The following GRIK4 variants were observed in gnomAD, a reference collection of about 807,000 sequenced individuals.
The protein encoded by GRIK4 is glutamate receptor ionotropic, kainate 4.
A neutral mutation model predicts 104.9 loss-of-function variants in GRIK4; 40 were observed. The observed-to-expected ratio is 0.38, with a 90% CI of 0.30 to 0.50. GRIK4 has a LOEUF of 0.50. Among genes scored for constraint, GRIK4 ranks in the 20% least tolerant of loss-of-function variants. The pLI is 0.93. For missense variants in GRIK4, 1,047 were observed against 1,308.1 expected (o/e 0.80, Z 3.08); for synonymous variants, 485 against 524.9 (o/e 0.92, Z 1.04).
Position 120,711,005 on chromosome 11 carries a change from G to GC in GRIK4, c.82+50605_82+50606insC, listed in dbSNP as rs1565308818. 1.3e-5 allele frequency among the ~76,000 whole-genome samples: 2 copies of GC among 150,026 alleles called. 1 individual carries two copies. Among genetic ancestry groups the GC allele is most frequent in the African/African-American group, 5.0e-5 (2 of 39,982 alleles). ...CGCTTGCCCCTGTGAGGTGGGGAGGGGGTGTGAGCAGCTGCAGGGCCCTGC... is the reference window on the plus strand; with the variant it reads ...CGCTTGCCCCTGTGAGGTGGGGAGGGCGGTGTGAGCAGCTGCAGGGCCCTGC... On this transcript the variant is annotated intron_variant, in intron 3 of 20. Transcript: ENST00000527524.
intron 3 of GRIK4, among the ~76,000 whole-genome samples, chr11:120,789,424 C>T (rs1237654704): frequency 6.6e-6 from 1 of 152,108 alleles, no homozygotes; most frequent in Admixed American, 6.5e-5. Context: ...CCCGGTTTAT[C>T]TCACTAGAAT....
intron 20 of GRIK4, 90 bp from the exon 21 acceptor site, chr11:120,985,814 T>C (rs928638230): frequency 5.2e-6 from 6 of 1,154,304 alleles, no homozygotes; most frequent in Admixed American, 2.2e-5. Context: ...CTGTGACCGC[T>C]GCCCCCTTCA....
intron 8 of GRIK4, among the ~76,000 whole-genome samples, chr11:120,858,006 C>T (rs1203301251): frequency 6.6e-6 from 1 of 152,158 alleles, no homozygotes; most frequent in Non-Finnish European, 1.5e-5. Context: ...TGTTCTTCAC[C>T]CTCATTCCCT....
In GRIK4 at chr11:120,967,209, G is replaced by A; in HGVS notation, c.2281G>A (p.Asp761Asn). The A allele has an allele frequency of 6.2e-7, 1 of 1,613,568 alleles. No homozygotes were observed. Among genetic ancestry groups the A allele is most frequent in the Non-Finnish European group, 8.5e-7 (1 of 1,179,716 alleles). Residue 761 changes from aspartate (D) to asparagine (N), a missense_variant, in exon 19 of 21, where the codon GAC (aspartate) becomes AAC (asparagine). By Grantham distance (23) the Asp-to-Asn change is conservative (BLOSUM62 1). This residue lies in a region of GRIK4 where 440 missense variants were observed against 652.3 expected (regional missense o/e 0.67). Coordinates refer to ENST00000527524, the MANE Select transcript of GRIK4 (RefSeq NM_014619.5). The surrounding 1 kb of genome is among the most constrained non-coding windows in gnomAD (Gnocchi z 4.2). ...AACCCCCGCAGGCTCGGTTTTCCGG[G>A]ACGAGTTTGATCTGGCCATTCTCCA... Reference protein sequence around the residue: ...IGMPVGSVFRDEFDLAILQLQ... With the variant: ...IGMPVGSVFRNEFDLAILQLQ...
intron 1 of GRIK4, among the ~76,000 whole-genome samples, chr11:120,634,597 T>C (rs1361644758): frequency 6.6e-6 from 1 of 151,790 alleles, no homozygotes; most frequent in African/African-American, 2.4e-5. Context: ...AGAGAGACTC[T>C]GTTCCTCTAG....
chr11:120,731,043 G>C (rs1951118600), intron 3 of GRIK4, among the ~76,000 whole-genome samples: 1 of 151,952 alleles, frequency 6.6e-6, no homozygotes. Flanking sequence ...TTTCAGTTTT[G>C]ATGCTGTTTC....
intron 3 of GRIK4, among the ~76,000 whole-genome samples, chr11:120,703,172 A>G (rs2135337401): frequency 6.6e-6 from 1 of 152,294 alleles, no homozygotes; most frequent in Admixed American, 6.5e-5. Context: ...TAGTTTTTAA[A>G]TTGCATTTGA....
chr11:120,602,146 G>A (rs563564089), intron 1 of GRIK4, among the ~76,000 whole-genome samples: 26 of 152,316 alleles, frequency 1.7e-4, no homozygotes, highest in South Asian at 4.1e-4. Context: ...GTATAGTTCA[G>A]GAAGCCCCTG....
intron 8 of GRIK4, among the ~76,000 whole-genome samples, chr11:120,838,988 C>T (rs1953651395): frequency 6.6e-6 from 1 of 152,074 alleles, no homozygotes; most frequent in Non-Finnish European, 1.5e-5. Context: ...CGTTTCACAA[C>T]ATTGGCTAGG....
chr11:120,513,767 G>T lies in GRIK4; in HGVS notation c.-159+1880G>T, dbSNP rs566034211. ...ACCCAGAGGCAGCACTGGTCCCTCC[G>T]GGTGGGGAAGAGGTGGATGCTCGGG... On this transcript the variant is annotated intron_variant, in intron 1 of 20. Transcript: ENST00000527524. This position sits in a 1 kb window ranked among gnomAD's most constrained non-coding sequence, Gnocchi z 4.5. Among the ~76,000 whole-genome samples the T allele has an allele frequency of 4.0e-4, 61 of 152,258 alleles. No individual in the cohort carries two copies. Among genetic ancestry groups the T allele is most frequent in the African/African-American group, 1.4e-3 (59 of 41,536 alleles).
intron 1 of GRIK4, among the ~76,000 whole-genome samples, chr11:120,573,974 A>C (rs932019436): frequency 6.6e-6 from 1 of 152,136 alleles, no homozygotes; most frequent in East Asian, 1.9e-4. Flanking sequence ...CGGGGCTGCT[A>C]CCCAAGGAGG....
rs149777407 is a variant in GRIK4 at position 120,958,133 on chromosome 11, C to A, written c.1874+1180C>A. Among the ~76,000 whole-genome samples, 190 of 152,318 alleles carry A rather than the reference C, an allele frequency of 1.2e-3. 3 individuals are homozygous for A. Among genetic ancestry groups the A allele is most frequent in the Admixed American group, 9.8e-3 (150 of 15,306 alleles). On this transcript the variant is annotated intron_variant, in intron 16 of 20. Coordinates refer to ENST00000527524, the MANE Select transcript of GRIK4 (RefSeq NM_014619.5). ...GAGGAGCATCGGGGGATGTCGATCT[C>A]CTTCTCCCTGGGGCTTTTCCTTCTG...
At position 120,889,262 on chromosome 11, in the gene GRIK4, C is replaced by T. The variant is rs575178565; in HGVS notation, c.1165-9270C>T. On this transcript the variant is annotated intron_variant, in intron 11 of 20. Transcript: ENST00000527524. ...GTGTTCACCACGGAGGCTAATATTA[C>T]AAACCTTTTTAGTTGGTTTTATTTC... is the stretch of plus-strand genomic sequence containing the variant. 2.6e-5 allele frequency among the ~76,000 whole-genome samples: 4 copies of T among 152,310 alleles called. No individual in the cohort carries two copies. In the East Asian group the frequency reaches 7.7e-4, roughly 29 times the overall value.
intron 3 of GRIK4, among the ~76,000 whole-genome samples, chr11:120,700,129 T>G (rs975865377): frequency 3.3e-5 from 5 of 150,426 alleles, no homozygotes; most frequent in African/African-American, 1.2e-4. Context: ...ATAGTTGGTT[T>G]TTTTGTGTGT....
At chr11:120,655,603 G>A (rs1949694446) in intron 2 of GRIK4, among the ~76,000 whole-genome samples, 1 of 152,214 alleles carries the variant, frequency 6.6e-6, no homozygotes, top group Admixed American at 6.5e-5. Context: ...GAGGATGGGG[G>A]CCCAATGAAG....
chr11:120,687,853 T>A (rs150755948), intron 3 of GRIK4, among the ~76,000 whole-genome samples: 3 of 152,302 alleles, frequency 2.0e-5, no homozygotes, highest in African/African-American at 7.2e-5. Flanking sequence ...AATTCTAGTC[T>A]TGCTGTTCAG....
intron 1 of GRIK4, among the ~76,000 whole-genome samples, chr11:120,519,646 A>G (rs1415690743): frequency 6.6e-6 from 1 of 152,198 alleles, no homozygotes; most frequent in Non-Finnish European, 1.5e-5. Flanking sequence ...CATTTTACAG[A>G]TGAGGAAGCT....
At chr11:120,981,956 G>T (rs578053336) in intron 19 of GRIK4, 150 bp from the exon 20 acceptor site, 3 of 662,634 alleles carry the variant, frequency 4.5e-6, no homozygotes, top group African/African-American at 1.8e-5. Flanking sequence ...TCAAGGACTG[G>T]GTGTCTACAT....
At chr11:120,912,509 G>A (rs1403099949) in intron 13 of GRIK4, among the ~76,000 whole-genome samples, 1 of 152,208 alleles carries the variant, frequency 6.6e-6, no homozygotes, top group Non-Finnish European at 1.5e-5. Context: ...TTGAAAGGAA[G>A]TACAGAAGAA....
Sources: gnomAD v4.1 joint callset for allele counts (sites outside exome capture counted in the v4.1 genomes callset) on GRCh38, gnomAD v4.1.1 for gene constraint, gnomAD v4.1.1 regional missense constraint, Gnocchi (gnomAD v3.1) non-coding constraint, MANE v1.5 for transcripts, NCBI Gene and HGNC (gene_info 2026-07-23, HGNC 2026-07-21) for gene names.